The following TTC23L variants were observed in gnomAD, a reference collection of about 807,000 sequenced individuals.
TTC23L encodes the protein tetratricopeptide repeat domain 23 like.
In TTC23L, 42 loss-of-function variants were observed where a neutral mutation model predicts 48.1. The ratio of observed to expected loss-of-function variants is 0.87; its 90% CI spans 0.68 to 1.13. TTC23L has a LOEUF of 1.13. TTC23L is among the 50% of genes most tolerant of loss of function. The pLI is 0.00. For synonymous variants in TTC23L, 159 were observed against 157.2 expected, an observed-to-expected ratio of 1.01 and a Z score of -0.09; for missense variants, 391 against 421.0, an observed-to-expected ratio of 0.93 and a Z score of 0.62.
At chr5:34,845,759 G>C in intron 3 of TTC23L, 86 bp downstream of exon 3, 1 of 1,319,340 alleles carries the variant, frequency 7.6e-7, no homozygotes, top group Non-Finnish European at 1.0e-6. Context: ...GCAGATTGAA[G>C]CATATGAAAT....
At chr5:34,879,558 G>T (rs1338621660) in intron 8 of TTC23L, among the ~76,000 whole-genome samples, 1 of 152,120 alleles carries the variant, frequency 6.6e-6, no homozygotes, top group Non-Finnish European at 1.5e-5. Context: ...ATATAGTCTT[G>T]CAGTATACCT....
chr5:34,925,079 G>T, the TTC23L span: 140 of 1,484,458 alleles, frequency 9.4e-5, 2 homozygotes, highest in East Asian at 2.1e-3. Context: ...ACTGAATTTG[G>T]TTTTTGCTGC....
the TTC23L span, chr5:34,922,309 T>C: frequency 7.0e-7 from 1 of 1,426,674 alleles, no homozygotes; most frequent in Non-Finnish European, 9.8e-7. Context: ...TATTAAGATT[T>C]TGGTTAAACT....
chr5:34,919,778 G>T, the TTC23L span: 2 of 542,782 alleles, frequency 3.7e-6, no homozygotes, highest in South Asian at 5.6e-5. Context: ...TATGTGGTTT[G>T]ATTGAAATAA....
intron 8 of TTC23L, among the ~76,000 whole-genome samples, chr5:34,871,876 A>G (rs1761492218): frequency 6.6e-6 from 1 of 152,188 alleles, no homozygotes; most frequent in Non-Finnish European, 1.5e-5. Flanking sequence ...TGATACTGCA[A>G]CAACTGGATA....
intron 4 of TTC23L, among the ~76,000 whole-genome samples, chr5:34,853,449 T>C (rs1759853342): frequency 6.6e-6 from 1 of 152,120 alleles, no homozygotes; most frequent in South Asian, 2.1e-4. Flanking sequence ...GAGAATTGCT[T>C]GAACCAGGAG....
At chr5:34,870,863 A>C (rs1436099130) in intron 8 of TTC23L, among the ~76,000 whole-genome samples, 1 of 152,202 alleles carries the variant, frequency 6.6e-6, no homozygotes, top group Non-Finnish European at 1.5e-5. Context: ...CCATATTAAC[A>C]GTCCAGTCAT....
chr5:34,924,015 C>T, the TTC23L span, among the ~76,000 whole-genome samples: 1 of 152,232 alleles, frequency 6.6e-6, no homozygotes, highest in African/African-American at 2.4e-5. Context: ...ATAGAAGTTT[C>T]TCTCTCAAAG....
At chr5:34,858,079 T>C (rs1173216706) in intron 4 of TTC23L, among the ~76,000 whole-genome samples, 2 of 152,214 alleles carry the variant, frequency 1.3e-5, no homozygotes, top group Non-Finnish European at 2.9e-5. Context: ...GGACAATCTT[T>C]GGACTCATTT....
At chr5:34,870,703 A>G (rs1340378965) in intron 8 of TTC23L, among the ~76,000 whole-genome samples, 1 of 152,152 alleles carries the variant, frequency 6.6e-6, no homozygotes, top group African/African-American at 2.4e-5. Context: ...AAGCAACAAA[A>G]TATATAGCAA....
chr5:34,915,294 G>T, the TTC23L span: 3 of 275,332 alleles, frequency 1.1e-5, no homozygotes, highest in Non-Finnish European at 2.1e-5. Flanking sequence ...AACAGGCGAT[G>T]GCGGGGCGGG....
the TTC23L span, chr5:34,916,118 CCGGCCCA>C: frequency 4.4e-6 from 2 of 455,702 alleles, no homozygotes; most frequent in African/African-American, 4.0e-5. Context: ...AAACCTTTAC[CCGGCCCA>C]CGGGGAAGCG....
downstream of TTC23L, among the ~76,000 whole-genome samples, chr5:34,904,036 G>A (rs1290823566): frequency 1.3e-5 from 2 of 151,822 alleles, no homozygotes; most frequent in East Asian, 1.9e-4. Flanking sequence ...CATGACCATA[G>A]CTCACTGCAG....
chr5:34,859,425 C>T (rs1297603046), intron 4 of TTC23L, among the ~76,000 whole-genome samples: 2 of 152,166 alleles, frequency 1.3e-5, no homozygotes, highest in Non-Finnish European at 2.9e-5. Flanking sequence ...CTAATTCCCC[C>T]TCCTCATCTG....
At chr5:34,851,650 G>A in intron 4 of TTC23L, among the ~76,000 whole-genome samples, 1 of 152,284 alleles carries the variant, frequency 6.6e-6, no homozygotes, top group South Asian at 2.1e-4. Context: ...TGAAATTTCA[G>A]AGTGACCAGG....
chr5:34,908,979 T>A, the TTC23L span: 2 of 1,559,596 alleles, frequency 1.3e-6, no homozygotes, highest in African/African-American at 2.8e-5. Context: ...CGCTGTTATA[T>A]CAACACAGTG....
At chr5:34,866,794 T>G (rs887116061) in intron 6 of TTC23L, 98 bp from the exon 7 acceptor site, 19 of 1,223,576 alleles carry the variant, frequency 1.6e-5, no homozygotes, top group Non-Finnish European at 2.0e-5. Context: ...GATGGGCCTG[T>G]GAAGGCCAAA....
intron 3 of TTC23L, 110 bp downstream of exon 3, chr5:34,845,783 A>G: frequency 2.6e-6 from 3 of 1,155,658 alleles, no homozygotes; most frequent in Non-Finnish European, 3.6e-6. Context: ...GGAAGGTGTC[A>G]TATTTCTTTG....
chr5:34,919,078 C>A, the TTC23L span: 1 of 148,918 alleles, frequency 6.7e-6, no homozygotes, highest in Non-Finnish European at 1.5e-5. Context: ...TGGTGAAACC[C>A]TGTCTCTACA....
Sources: allele counts gnomAD v4.1 joint callset (sites outside exome capture counted in the v4.1 genomes callset), GRCh38; gene constraint gnomAD v4.1.1; transcripts MANE v1.5; gene names NCBI Gene and HGNC (gene_info 2026-07-23, HGNC 2026-07-21).